The following PLEKHD1 variants were observed in gnomAD, a reference collection of about 807,000 sequenced individuals.
PLEKHD1 encodes the protein pleckstrin homology and coiled-coil domain containing D1.
In PLEKHD1, 51 loss-of-function variants were observed where a neutral mutation model predicts 69.2. The observed-to-expected ratio is 0.74, with a 90% CI of 0.59 to 0.93. The LOEUF (loss-of-function observed/expected upper bound fraction) is 0.93, where lower values mean the gene tolerates loss of function less well. PLEKHD1 is among the 40% of genes least tolerant of loss of function. The pLI, the probability that PLEKHD1 is intolerant of heterozygous loss-of-function variation, is 0.00. For synonymous variants in PLEKHD1, 236 were observed against 244.7 expected (o/e 0.96, Z 0.33); for missense variants, 584 against 641.0 (o/e 0.91, Z 0.96).
rs898241696 is a variant in PLEKHD1, at chr14:69,531,520, T to C, written c.*3101T>C. On this transcript the variant is annotated 3_prime_UTR_variant, in exon 13 of 13. Coordinates refer to ENST00000322564, the MANE Select transcript of PLEKHD1 (RefSeq NM_001161498.2). ...TTTTAAAAACAAAACTCTTATTCCTTGGCCAATTAAATGCATTTCCTGCAG... is the reference window on the plus strand; with the variant it reads ...TTTTAAAAACAAAACTCTTATTCCTCGGCCAATTAAATGCATTTCCTGCAG... 3 of 151,992 alleles carry C rather than the reference T, an allele frequency of 2.0e-5. No individual in the cohort carries two copies. The highest frequency in any genetic ancestry group is 7.2e-5 in the African/African-American group (3 of 41,430). The allele number at this position is 151,992 out of a possible 1,614,324, so 9.4% of individuals were successfully genotyped here.
At chr14:69,477,219 G>A in the PLEKHD1 span, among the ~76,000 whole-genome samples, 270 of 152,178 alleles carry the variant, frequency 1.8e-3, 1 homozygote, top group African/African-American at 6.2e-3. Flanking sequence ...CACCACATTG[G>A]TCAGGCTGGC....
intron 1 of PLEKHD1, among the ~76,000 whole-genome samples, chr14:69,491,477 C>T (rs1882775491): frequency 6.6e-6 from 1 of 152,206 alleles, no homozygotes; most frequent in Admixed American, 6.5e-5. Flanking sequence ...TCCCTATTGT[C>T]CTACAGGATT....
At chr14:69,478,321 T>C in the PLEKHD1 span, among the ~76,000 whole-genome samples, 1 of 152,196 alleles carries the variant, frequency 6.6e-6, no homozygotes, top group East Asian at 1.9e-4. Context: ...TCTGGGCTTG[T>C]GATGGGAGGG....
At chr14:69,478,819 C>T in the PLEKHD1 span, among the ~76,000 whole-genome samples, 1 of 152,318 alleles carries the variant, frequency 6.6e-6, no homozygotes, top group East Asian at 1.9e-4. Context: ...TTCCTGTCTT[C>T]TTCTGAGCCC....
intron 6 of PLEKHD1, among the ~76,000 whole-genome samples, chr14:69,512,716 C>A (rs1025022240): frequency 6.6e-6 from 1 of 152,024 alleles, no homozygotes; most frequent in Non-Finnish European, 1.5e-5. Context: ...TTGTTGATTT[C>A]TAGCACAATT....
At chr14:69,519,994 T>G (rs1883474934) in intron 6 of PLEKHD1, among the ~76,000 whole-genome samples, 1 of 151,702 alleles carries the variant, frequency 6.6e-6, no homozygotes, top group Non-Finnish European at 1.5e-5. Context: ...GAACCCCCGC[T>G]GAACTCTACT....
chr14:69,476,360 G>C, the PLEKHD1 span, among the ~76,000 whole-genome samples: 4 of 150,480 alleles, frequency 2.7e-5, no homozygotes, highest in African/African-American at 9.8e-5. Context: ...TTCAACGCTA[G>C]CATGGCCAAC....
At position 69,500,906 on chromosome 14, in the gene PLEKHD1, G is replaced by A. The variant is rs754510070; in HGVS notation, c.369G>A (p.Glu123=). 13 of 1,551,656 alleles carry A rather than the reference G, an allele frequency of 8.4e-6. 1 individual carries two copies. The South Asian group carries it at 1.2e-4, about 14-fold the overall frequency. Residue 123 remains glutamate, a synonymous_variant, in exon 4 of 13, where the codon GAG becomes GAA. Coordinates refer to ENST00000322564, the MANE Select transcript of PLEKHD1 (RefSeq NM_001161498.2). The part of the protein sequence containing the change: ...NILLAAESEF[E]QTQWLEMLQE... ...TGCTTGCTGCTGAGTCGGAGTTTGAGCAGACCCAGTGGCTGGAGATGCTGC... is the reference window on the plus strand; with the variant it reads ...TGCTTGCTGCTGAGTCGGAGTTTGAACAGACCCAGTGGCTGGAGATGCTGC...
chr14:69,503,081 A>C, intron 6 of PLEKHD1: 3 of 581,562 alleles, frequency 5.2e-6, no homozygotes, highest in Non-Finnish European at 9.2e-6. Context: ...CTCCTTACCA[A>C]CCCCTGGGAG....
intron 6 of PLEKHD1, among the ~76,000 whole-genome samples, chr14:69,513,338 T>C (rs1361737473): frequency 6.6e-6 from 1 of 152,180 alleles, no homozygotes; most frequent in Non-Finnish European, 1.5e-5. Flanking sequence ...TCACAGCAGA[T>C]TGACAGAGAC....
In PLEKHD1 at chr14:69,510,092, T is replaced by C. The variant is rs185718124; in HGVS notation, c.555+7213T>C. On this transcript the variant is annotated intron_variant, in intron 6 of 12. Coordinates refer to ENST00000322564, the MANE Select transcript of PLEKHD1 (RefSeq NM_001161498.2). ...TTTTTTCATCAATACCACAATGTCT[T>C]GATTGCTGTAGCTTTATAGTAAGTC... Among the ~76,000 whole-genome samples, 355 of 152,366 alleles carry C rather than the reference T, an allele frequency of 2.3e-3. 1 individual carries two copies. The highest frequency in any genetic ancestry group is 8.2e-3 in the African/African-American group (342 of 41,582).
intron 6 of PLEKHD1, among the ~76,000 whole-genome samples, chr14:69,509,483 C>G (rs1408294384): frequency 6.6e-6 from 1 of 152,094 alleles, no homozygotes; most frequent in Non-Finnish European, 1.5e-5. Flanking sequence ...CCTAGGTTGT[C>G]TCCTATGTTA....
In PLEKHD1 at chr14:69,528,372, G is replaced by A. The variant is rs946668344; in HGVS notation, c.1474G>A (p.Ala492Thr). 6.4e-7 allele frequency: 1 copy of A among 1,551,540 alleles called. No homozygotes were observed. The highest frequency in any genetic ancestry group is 2.4e-5 in the East Asian group (1 of 40,912). ...CCGGGAATCCATCTACCACATCATG[G>A]CCACCCAGCCTGGAGCCCCCTCGGC... ...RFRESIYHIM[A>T]TQPGAPSALS... The change falls in exon 13 of 13, where the codon GCC becomes ACC. Residue 492 changes from alanine (A) to threonine (T), a missense_variant. By Grantham distance (58) the Ala-to-Thr change is moderately conservative. Transcript: ENST00000322564.
chr14:69,469,613 T>C, the PLEKHD1 span, among the ~76,000 whole-genome samples: 2 of 152,158 alleles, frequency 1.3e-5, no homozygotes, highest in East Asian at 1.9e-4. Context: ...GGTCTCACTC[T>C]GTTGCCTAGG....
the PLEKHD1 span, among the ~76,000 whole-genome samples, chr14:69,468,996 G>A: frequency 3.9e-5 from 6 of 152,172 alleles, no homozygotes; most frequent in Non-Finnish European, 8.8e-5. Flanking sequence ...GTGCATATTT[G>A]CATTCAAAAC....
At chr14:69,509,835 G>A (rs1883231788) in intron 6 of PLEKHD1, among the ~76,000 whole-genome samples, 1 of 151,920 alleles carries the variant, frequency 6.6e-6, no homozygotes, top group African/African-American at 2.4e-5. Context: ...CTACTCAGGA[G>A]ACTGAGGCAG....
chr14:69,526,925 T>G, intron 10 of PLEKHD1, 96 bp downstream of exon 10: 4 of 1,426,906 alleles, frequency 2.8e-6, no homozygotes, highest in African/African-American at 1.4e-5. Context: ...GAATTATCTC[T>G]GTCAGTCTGA....
Position 69,489,927 on chromosome 14 carries a change from C to T in PLEKHD1, c.149+4813C>T, listed in dbSNP as rs761140600. 1.7e-4 allele frequency among the ~76,000 whole-genome samples: 26 copies of T among 152,166 alleles called. 1 individual carries two copies. Among genetic ancestry groups the T allele is most frequent in the Non-Finnish European group, 1.0e-4 (7 of 68,032 alleles). The stretch of plus-strand genomic sequence containing the variant: ...TGTCACCAAGGCTGGAGTACAGTGT[C>T]GTGATCTTGGCTCACTGCAACCTCT... On this transcript the variant is annotated intron_variant, in intron 1 of 12. Transcript: ENST00000322564.
chr14:69,525,528 G>C (rs994774489), intron 8 of PLEKHD1, among the ~76,000 whole-genome samples: 1 of 152,124 alleles, frequency 6.6e-6, no homozygotes, highest in Non-Finnish European at 1.5e-5. Context: ...TGTTGCCAAG[G>C]CTGGGATGCA....
Sources: allele counts gnomAD v4.1 joint callset (sites outside exome capture counted in the v4.1 genomes callset), GRCh38; gene constraint gnomAD v4.1.1; transcripts MANE v1.5; gene names NCBI Gene and HGNC (gene_info 2026-07-23, HGNC 2026-07-21).